The following SYCP2L variants were observed in gnomAD, a reference collection of about 807,000 sequenced individuals.
The protein encoded by SYCP2L is synaptonemal complex protein 2 like.
In SYCP2L, 98 loss-of-function variants were observed where a neutral mutation model predicts 125.8. The observed-to-expected ratio is 0.78, with a 90% confidence interval of 0.66 to 0.92. The LOEUF is 0.92. Among genes scored for constraint, SYCP2L ranks in the 40% least tolerant of loss-of-function variants. The pLI, the probability that SYCP2L is intolerant of heterozygous loss-of-function variation, is 0.00. For synonymous variants in SYCP2L, 317 were observed against 325.4 expected (o/e 0.97, Z 0.28); for missense variants, 842 against 936.4 (o/e 0.90, Z 1.32).
chr6:10,960,797 C>G (rs1018799107), intron 26 of SYCP2L, among the ~76,000 whole-genome samples: 3 of 152,070 alleles, frequency 2.0e-5, no homozygotes, highest in African/African-American at 7.2e-5. Context: ...GACCTGAGGC[C>G]AGGCACGGTG....
chr6:10,948,557 G>C (rs1285386009), intron 23 of SYCP2L, among the ~76,000 whole-genome samples: 1 of 151,828 alleles, frequency 6.6e-6, no homozygotes, highest in Non-Finnish European at 1.5e-5. Flanking sequence ...TGTGTTCCTG[G>C]GATAAACCTC....
rs775049263 is a variant in SYCP2L, at chr6:10,898,854, T to A, written c.466+6T>A. 1 of 1,374,600 alleles carries A rather than the reference T, an allele frequency of 7.3e-7. No individual in the cohort carries two copies. Among genetic ancestry groups the A allele is most frequent in the East Asian group, 2.3e-5 (1 of 42,996 alleles). 85.2% of individuals were successfully genotyped at this position (1,374,600 alleles called of 1,614,324 possible). A position where few individuals can be genotyped will look rare whatever the true frequency, so the allele number is the denominator to read the frequency against. On this transcript the variant is annotated splice_donor_region_variant and intron_variant, in intron 6 of 29. Transcript: ENST00000283141. ...TTCCAGGAGTAGTAGTGAAGGTAAG[T>A]ATATTATTGGCTACTAATTGGCTAT... is the stretch of plus-strand genomic sequence containing the variant.
At chr6:10,940,283 CA>C (rs34583902) in intron 21 of SYCP2L, among the ~76,000 whole-genome samples, 13 of 152,052 alleles carry the variant, frequency 8.5e-5, no homozygotes, top group African/African-American at 3.1e-4. Flanking sequence ...GGTGTTTTCT[CA>C]AAAAAATTAG....
intron 29 of SYCP2L, among the ~76,000 whole-genome samples, chr6:10,967,865 T>G (rs1781707432): frequency 6.6e-6 from 1 of 152,222 alleles, no homozygotes; most frequent in Non-Finnish European, 1.5e-5. Context: ...ATGAGCTTTC[T>G]TGCATGATTT....
At chr6:10,941,469 C>T (rs1224219719) in intron 21 of SYCP2L, among the ~76,000 whole-genome samples, 1 of 152,018 alleles carries the variant, frequency 6.6e-6, no homozygotes, top group East Asian at 1.9e-4. Context: ...AAAAACAACC[C>T]CATCCAAAAG....
chr6:10,910,903 G>T (rs1157961818), intron 12 of SYCP2L, 34 bp downstream of exon 12: 1 of 1,612,708 alleles, frequency 6.2e-7, no homozygotes, highest in East Asian at 2.2e-5. Context: ...CCTGAGGGCG[G>T]TGTGCAGTGA....
In SYCP2L at chr6:10,898,073, G is replaced by A. The variant is rs1485471756; in HGVS notation, c.399G>A (p.Thr133=). The A allele has an allele frequency of 1.9e-6, 3 of 1,614,090 alleles. No individual in the cohort carries two copies. Among genetic ancestry groups the A allele is most frequent in the East Asian group, 4.5e-5 (2 of 44,894 alleles). ...CCTCGGAAGGCCTAGCCTCAGACAC[G>A]TCGCTGATTTGTGTTATAGAAGATT... The part of the protein sequence containing the change: ...ILTSEGLASD[T]SLICVIEDFF... The change falls in exon 5 of 30, where the codon ACG becomes ACA. Residue 133 remains threonine (T), a synonymous_variant. Transcript: ENST00000283141.
At chr6:10,921,887 T>A (rs1581827147) in intron 14 of SYCP2L, among the ~76,000 whole-genome samples, 1 of 152,036 alleles carries the variant, frequency 6.6e-6, no homozygotes, top group Non-Finnish European at 1.5e-5. Context: ...TTGTATTTTT[T>A]AGTAAAGACG....
At chr6:10,889,204 A>G (rs1282088787) in intron 1 of SYCP2L, among the ~76,000 whole-genome samples, 4 of 151,818 alleles carry the variant, frequency 2.6e-5, no homozygotes, top group Non-Finnish European at 5.9e-5. Flanking sequence ...CTCCTATCTC[A>G]CTTTTGCCTC....
At chr6:10,910,924 T>A in intron 12 of SYCP2L, 55 bp downstream of exon 12, 1 of 1,589,616 alleles carries the variant, frequency 6.3e-7, no homozygotes. Context: ...AACCAGGAGT[T>A]AGGTTTACGT....
intron 1 of SYCP2L, 148 bp from the exon 2 acceptor site, chr6:10,891,365 C>A: frequency 4.9e-6 from 3 of 609,698 alleles, no homozygotes; most frequent in Non-Finnish European, 5.7e-6. Context: ...TTACTTAGAC[C>A]TATAATATGA....
At chr6:10,891,130 CTTTTA>C (rs1437783277) in intron 1 of SYCP2L, among the ~76,000 whole-genome samples, 9 of 152,024 alleles carry the variant, frequency 5.9e-5, no homozygotes, top group African/African-American at 2.2e-4. Context: ...CTTAAAGACA[CTTTTA>C]TTTAACTTTA....
intron 29 of SYCP2L, among the ~76,000 whole-genome samples, chr6:10,968,586 T>C (rs1436873993): frequency 6.6e-6 from 1 of 152,102 alleles, no homozygotes; most frequent in African/African-American, 2.4e-5. Flanking sequence ...AGCCATGTTT[T>C]AAAGAGGAAA....
At chr6:10,930,790 T>C (rs1426408863) in intron 19 of SYCP2L, among the ~76,000 whole-genome samples, 1 of 152,062 alleles carries the variant, frequency 6.6e-6, no homozygotes, top group Non-Finnish European at 1.5e-5. Context: ...ATCAGGAAAA[T>C]CTTTAAGGAA....
chr6:10,890,457 G>A (rs766719333), intron 1 of SYCP2L, among the ~76,000 whole-genome samples: 4 of 152,058 alleles, frequency 2.6e-5, no homozygotes, highest in Non-Finnish European at 5.9e-5. Context: ...GTGATGTTGA[G>A]TATTTTTTCA....
At chr6:10,910,729 G>A in intron 11 of SYCP2L, 95 bp from the exon 12 acceptor site, 3 of 1,298,848 alleles carry the variant, frequency 2.3e-6, no homozygotes, top group Non-Finnish European at 3.3e-6. Context: ...AGACTTAATG[G>A]CATACTCTAG....
rs9295708 is a variant in SYCP2L at position 10,912,161 on chromosome 6, G to T, written c.919-512G>T. ...TTACTGTTTCTATAAACACCATACT[G>T]TTAGAATCTTTCTTCCCCTGTTTTA... On this transcript the variant is annotated intron_variant, in intron 12 of 29. Coordinates refer to ENST00000283141, the MANE Select transcript of SYCP2L (RefSeq NM_001040274.3). The surrounding 1 kb of genome is among the most constrained non-coding windows in gnomAD (Gnocchi z 4.1). 0.37 allele frequency among the ~76,000 whole-genome samples: 55,725 copies of T among 151,824 alleles called. 11,622 individuals carry two copies. The highest frequency in any genetic ancestry group is 0.51 in the Admixed American group (7,845 of 15,236).
At position 10,926,168 on chromosome 6, in the gene SYCP2L, G is replaced by A. The variant is rs531883170; in HGVS notation, c.1219-171G>A. The stretch of plus-strand genomic sequence containing the variant: ...CGAGCTGGTCCTGTAGGGAGGTGGG[G>A]CCTGGAGAAGCCAGAAACAGTGGAA... On this transcript the variant is annotated intron_variant, in intron 15 of 29. Coordinates refer to ENST00000283141, the MANE Select transcript of SYCP2L (RefSeq NM_001040274.3). Among the ~76,000 whole-genome samples, 151 of 152,340 alleles carry A rather than the reference G, an allele frequency of 9.9e-4. 2 individuals carry two copies. The highest frequency in any genetic ancestry group is 2.4e-3 in the African/African-American group (101 of 41,578).
At chr6:10,966,461 C>T (rs1438447053) in intron 29 of SYCP2L, among the ~76,000 whole-genome samples, 1 of 152,132 alleles carries the variant, frequency 6.6e-6, no homozygotes. Context: ...ATTCTAAATG[C>T]ATTATCACTA....
Sources: allele counts gnomAD v4.1 joint callset (sites outside exome capture counted in the v4.1 genomes callset), GRCh38; gene constraint gnomAD v4.1.1; non-coding constraint Gnocchi (gnomAD v3.1); transcripts MANE v1.5; gene names NCBI Gene and HGNC (gene_info 2026-07-23, HGNC 2026-07-21).